The following HTR1E variants were observed in gnomAD, a reference collection of about 807,000 sequenced individuals.
The protein encoded by HTR1E is 5-hydroxytryptamine receptor 1E.
A neutral mutation model predicts 3.4 loss-of-function variants in HTR1E; 3 were observed. The ratio of observed to expected loss-of-function variants is 0.89; its 90% CI spans 0.41 to 2.31. The LOEUF is 2.31. HTR1E is among the 30% of genes most tolerant of loss of function. The probability of loss-of-function intolerance (pLI) is 0.05; values close to 1 mark genes in which losing one functional copy is unlikely to be tolerated. For missense variants in HTR1E, 392 were observed against 467.0 expected (o/e 0.84, Z 1.48); for synonymous variants, 170 against 182.8 (o/e 0.93, Z 0.56).
intron 1 of HTR1E, among the ~76,000 whole-genome samples, chr6:86,995,361 A>G (rs1384651152): frequency 6.6e-6 from 1 of 151,302 alleles, no homozygotes; most frequent in Non-Finnish European, 1.5e-5. Flanking sequence ...AGATTGGAAG[A>G]GTGGATTAAG....
Position 86,981,576 on chromosome 6 carries a change from G to T in HTR1E, c.-185-33574G>T, listed in dbSNP as rs969814986. Among the ~76,000 whole-genome samples, 7 of 152,320 alleles carry T rather than the reference G, an allele frequency of 4.6e-5. No homozygotes were observed. In the East Asian group the frequency reaches 9.6e-4, roughly 21 times the overall value. On this transcript the variant is annotated intron_variant, in intron 1 of 1. Coordinates refer to ENST00000305344, the MANE Select transcript of HTR1E (RefSeq NM_000865.3). ...ATTTACTATCATCTTCAATGTCCTG[G>T]AATGGAGGAAGGAGCTATGGAGCCA...
chr6:87,009,128 A>G (rs1768162174), intron 1 of HTR1E, among the ~76,000 whole-genome samples: 1 of 150,054 alleles, frequency 6.7e-6, no homozygotes, highest in Non-Finnish European at 1.5e-5. Flanking sequence ...TGGCAGGGTC[A>G]TGGGACAATA....
intron 1 of HTR1E, among the ~76,000 whole-genome samples, chr6:86,944,621 C>T (rs1768589691): frequency 6.6e-6 from 1 of 152,074 alleles, no homozygotes; most frequent in South Asian, 2.1e-4. Context: ...CTTGGAAAAG[C>T]CATTTATTTG....
intron 1 of HTR1E, among the ~76,000 whole-genome samples, chr6:86,988,879 T>C (rs1296374253): frequency 6.6e-6 from 1 of 152,128 alleles, no homozygotes; most frequent in African/African-American, 2.4e-5. Flanking sequence ...AAGAGCCAAG[T>C]TGAGGTGTAA....
intron 1 of HTR1E, among the ~76,000 whole-genome samples, chr6:86,959,277 AAAG>A (rs759067086): frequency 5.3e-5 from 8 of 152,016 alleles, no homozygotes; most frequent in Non-Finnish European, 8.8e-5. Context: ...AAAAAGAAAA[AAAG>A]AAGAAGAAAA....
intron 1 of HTR1E, among the ~76,000 whole-genome samples, chr6:86,968,792 T>C (rs1767509391): frequency 6.6e-6 from 1 of 152,168 alleles, no homozygotes; most frequent in Admixed American, 6.5e-5. Context: ...TACAGAGTTA[T>C]CTAGTTTTAA....
intron 1 of HTR1E, among the ~76,000 whole-genome samples, chr6:86,965,293 T>C (rs190115113): frequency 2.0e-5 from 3 of 152,288 alleles, no homozygotes; most frequent in African/African-American, 7.2e-5. Context: ...AGGCTCTCAC[T>C]CCTGGCATGG....
chr6:86,987,845 A>T (rs114412786), intron 1 of HTR1E, among the ~76,000 whole-genome samples: 3 of 152,278 alleles, frequency 2.0e-5, no homozygotes, highest in African/African-American at 7.2e-5. Flanking sequence ...AAATGTGTGA[A>T]ACCTTTTATA....
chr6:86,958,673 T>A (rs1422122897), intron 1 of HTR1E, among the ~76,000 whole-genome samples: 2 of 152,222 alleles, frequency 1.3e-5, no homozygotes, highest in Non-Finnish European at 2.9e-5. Flanking sequence ...CATTATTGTC[T>A]GCTATAAAAC....
chr6:86,996,477 A>T (rs1162831929), intron 1 of HTR1E, among the ~76,000 whole-genome samples: 3 of 104,158 alleles, frequency 2.9e-5, no homozygotes, highest in Non-Finnish European at 6.5e-5. Context: ...TAACTGACAT[A>T]GAAAAATAAA....
At chr6:86,957,466 T>A (rs1300502414) in intron 1 of HTR1E, among the ~76,000 whole-genome samples, 2 of 152,176 alleles carry the variant, frequency 1.3e-5, no homozygotes, top group Non-Finnish European at 2.9e-5. Context: ...AAGGCCATCT[T>A]TTTTTTATGA....
chr6:86,939,944 C>G (rs1007981828), intron 1 of HTR1E, among the ~76,000 whole-genome samples: 2 of 152,154 alleles, frequency 1.3e-5, no homozygotes, highest in Non-Finnish European at 2.9e-5. Context: ...TTCTTCTTAT[C>G]GATGCCTGGT....
intron 1 of HTR1E, among the ~76,000 whole-genome samples, chr6:87,011,160 C>G (rs1392143608): frequency 1.3e-5 from 2 of 152,188 alleles, no homozygotes; most frequent in Non-Finnish European, 2.9e-5. Flanking sequence ...CCCAGAACAT[C>G]ATGTGGAGCC....
At chr6:87,010,275 C>T (rs1248568453) in intron 1 of HTR1E, among the ~76,000 whole-genome samples, 26 of 105,212 alleles carry the variant, frequency 2.5e-4, no homozygotes, top group South Asian at 1.8e-3. Context: ...GCAGAGGTGC[C>T]CCTCACCTCC....
chr6:87,016,286 A>G lies in HTR1E; in HGVS notation c.952A>G (p.Ile318Val), dbSNP rs896805355. The change falls in exon 2 of 2, where the codon ATC (isoleucine) becomes GTC (valine). Residue 318 changes from isoleucine to valine, a missense_variant. Around this residue, in one of 3 missense-constraint regions of HTR1E, gnomAD observed 178 missense variants for 164.9 expected, o/e 1.08. Transcript: ENST00000305344. Reference protein sequence around the residue: ...FIKELIVGLSIYTVSSEVADF... With the variant: ...FIKELIVGLSVYTVSSEVADF... ...CAAAGAGTTGATTGTGGGTCTGAGC[A>G]TCTACACCGTGTCCTCGGAAGTGGC... The G allele has an allele frequency of 6.2e-7, 1 of 1,614,132 alleles. No homozygotes were observed. Among genetic ancestry groups the G allele is most frequent in the Non-Finnish European group, 8.5e-7 (1 of 1,180,036 alleles).
At chr6:86,976,243 A>G (rs751774381) in intron 1 of HTR1E, among the ~76,000 whole-genome samples, 1 of 152,184 alleles carries the variant, frequency 6.6e-6, no homozygotes, top group Non-Finnish European at 1.5e-5. Flanking sequence ...TCTGGGAGAG[A>G]AAAACCACAG....
At chr6:86,940,574 T>G (rs940035211) in intron 1 of HTR1E, among the ~76,000 whole-genome samples, 4 of 152,106 alleles carry the variant, frequency 2.6e-5, no homozygotes, top group Non-Finnish European at 5.9e-5. Context: ...AAAGTAGGTC[T>G]CTTTGCAGAA....
intron 1 of HTR1E, among the ~76,000 whole-genome samples, chr6:86,993,108 T>G (rs549220170): frequency 2.6e-5 from 4 of 152,248 alleles, no homozygotes; most frequent in African/African-American, 9.6e-5. Flanking sequence ...ATACCACTTA[T>G]GCTCAAAGTT....
At chr6:87,010,321 C>A (rs1345694821) in intron 1 of HTR1E, among the ~76,000 whole-genome samples, 1 of 107,994 alleles carries the variant, frequency 9.3e-6, no homozygotes, top group African/African-American at 4.2e-5. Flanking sequence ...GGGGCTGACC[C>A]CCCCCACCTC....
Sources: gnomAD v4.1 joint callset for allele counts (sites outside exome capture counted in the v4.1 genomes callset) on GRCh38, gnomAD v4.1.1 for gene constraint, gnomAD v4.1.1 regional missense constraint, MANE v1.5 for transcripts, NCBI Gene and HGNC (gene_info 2026-07-23, HGNC 2026-07-21) for gene names.